The following ATRNL1 variants were observed in gnomAD, a reference collection of about 807,000 sequenced individuals.
ATRNL1 encodes the protein attractin-like protein 1.
ATRNL1 carries 95 observed loss-of-function variants against 182.7 expected under a neutral mutation model. The observed-to-expected ratio is 0.52, with a 90% confidence interval of 0.44 to 0.62. The LOEUF is 0.62. Ranked by LOEUF, ATRNL1 falls within the 20% of genes least tolerant of loss-of-function variation. ATRNL1 has a pLI of 0.00. For synonymous variants in ATRNL1, 576 were observed against 568.3 expected (o/e 1.01, Z -0.19); for missense variants, 1,471 against 1,679.5 (o/e 0.88, Z 2.17).
intron 26 of ATRNL1, among the ~76,000 whole-genome samples, chr10:115,658,197 G>A (rs185576838): frequency 0.01 from 1,440 of 142,656 alleles, 18 homozygotes; most frequent in African/African-American, 0.034. Context: ...CTGGTTTCAC[G>A]CCATTCTCCT....
chr10:115,281,228 C>G (rs540971317), intron 13 of ATRNL1, 127 bp from the exon 14 acceptor site: 1 of 718,526 alleles, frequency 1.4e-6, no homozygotes, highest in South Asian at 3.3e-5. Flanking sequence ...GAGTCTGATT[C>G]AGTTGAATTG....
At chr10:115,291,578 T>C (rs1852904244) in intron 15 of ATRNL1, among the ~76,000 whole-genome samples, 1 of 152,196 alleles carries the variant, frequency 6.6e-6, no homozygotes, top group Admixed American at 6.5e-5. Context: ...TGATGAGATG[T>C]TGAATTCTGT....
intron 21 of ATRNL1, among the ~76,000 whole-genome samples, chr10:115,458,670 A>G (rs1192342687): frequency 6.6e-6 from 1 of 152,146 alleles, no homozygotes; most frequent in African/African-American, 2.4e-5. Context: ...CTGGGGCATT[A>G]CAGCCTTTAC....
At chr10:115,867,079 A>C (rs1456665876) in intron 28 of ATRNL1, among the ~76,000 whole-genome samples, 13 of 152,222 alleles carry the variant, frequency 8.5e-5, no homozygotes, top group African/African-American at 3.1e-4. Flanking sequence ...AGTAAAGATG[A>C]ATGTAACTGC....
chr10:115,612,184 G>A (rs1012539832), intron 26 of ATRNL1, among the ~76,000 whole-genome samples: 6 of 151,924 alleles, frequency 3.9e-5, no homozygotes, highest in South Asian at 2.1e-4. Flanking sequence ...CCTGAGAGGC[G>A]GAGGTTGCAG....
chr10:115,506,500 T>C (rs1850118810), intron 24 of ATRNL1, among the ~76,000 whole-genome samples: 1 of 151,970 alleles, frequency 6.6e-6, no homozygotes, highest in Non-Finnish European at 1.5e-5. Context: ...AAGACCGTAC[T>C]CTACCAGCCT....
At chr10:115,604,560 G>A (rs1265491009) in intron 26 of ATRNL1, among the ~76,000 whole-genome samples, 8 of 152,028 alleles carry the variant, frequency 5.3e-5, no homozygotes, top group Admixed American at 2.0e-4. Flanking sequence ...CTCTTTTTCA[G>A]CATATATCCA....
At chr10:115,501,834 G>A (rs1849855880) in intron 24 of ATRNL1, among the ~76,000 whole-genome samples, 1 of 152,046 alleles carries the variant, frequency 6.6e-6, no homozygotes, top group Non-Finnish European at 1.5e-5. Flanking sequence ...TTCCTGTTCT[G>A]CTTGACATTT....
At chr10:115,331,602 C>T (rs1554935103) in intron 18 of ATRNL1, among the ~76,000 whole-genome samples, 1 of 151,950 alleles carries the variant, frequency 6.6e-6, no homozygotes, top group East Asian at 1.9e-4. Flanking sequence ...TTCATGAGGC[C>T]ATCTTTTCCA....
chr10:115,403,966 T>C (rs943296030), intron 20 of ATRNL1, among the ~76,000 whole-genome samples: 1 of 152,174 alleles, frequency 6.6e-6, no homozygotes, highest in African/African-American at 2.4e-5. Flanking sequence ...TCTGAAAATA[T>C]CAGTTCAGAA....
At chr10:115,303,729 C>T (rs1853597795) in intron 17 of ATRNL1, among the ~76,000 whole-genome samples, 1 of 152,042 alleles carries the variant, frequency 6.6e-6, no homozygotes, top group Admixed American at 6.5e-5. Context: ...ATACTTTAAC[C>T]TGCAGTAAAC....
At chr10:115,788,923 T>C (rs1159637458) in intron 27 of ATRNL1, among the ~76,000 whole-genome samples, 2 of 152,366 alleles carry the variant, frequency 1.3e-5, no homozygotes, top group South Asian at 2.1e-4. Context: ...CACTGTGATC[T>C]TCAAAGTTCT....
intron 28 of ATRNL1, among the ~76,000 whole-genome samples, chr10:115,921,506 CA>C (rs1953060776): frequency 7.6e-6 from 1 of 131,360 alleles, no homozygotes; most frequent in Admixed American, 8.5e-5. Context: ...AGTCCAGTTA[CA>C]ATAACTGTTA....
rs191150039 is a variant in ATRNL1, at chr10:115,551,611, G to A, written c.3795+2075G>A. Among the ~76,000 whole-genome samples the A allele has an allele frequency of 1.1e-4, 16 of 151,306 alleles. No individual in the cohort carries two copies. In the East Asian group the frequency reaches 2.1e-3, roughly 20 times the overall value. On this transcript the variant is annotated intron_variant, in intron 26 of 28. Coordinates refer to ENST00000355044, the MANE Select transcript of ATRNL1 (RefSeq NM_207303.4). The stretch of plus-strand genomic sequence containing the variant: ...TCCGAAAAAGAAAATGTATCTTGAG[G>A]GTTTATGTTATGCTATAGCATTACA...
At chr10:115,446,985 A>G (rs1847032315) in intron 21 of ATRNL1, among the ~76,000 whole-genome samples, 1 of 151,962 alleles carries the variant, frequency 6.6e-6, no homozygotes, top group African/African-American at 2.4e-5. Context: ...CTCAGTCTTT[A>G]AAATCAAAAG....
chr10:115,153,116 T>G (rs1439167042), intron 5 of ATRNL1, among the ~76,000 whole-genome samples: 1 of 152,208 alleles, frequency 6.6e-6, no homozygotes, highest in Non-Finnish European at 1.5e-5. Context: ...GGATTCGGTT[T>G]GCCAGGATTT....
At chr10:115,217,539 T>A (rs2144416838) in intron 9 of ATRNL1, among the ~76,000 whole-genome samples, 1 of 152,262 alleles carries the variant, frequency 6.6e-6, no homozygotes, top group Non-Finnish European at 1.5e-5. Context: ...AGAGCAGAAT[T>A]GGATATTATT....
intron 18 of ATRNL1, among the ~76,000 whole-genome samples, chr10:115,325,498 C>G (rs868945087): frequency 1.2e-4 from 18 of 152,150 alleles, no homozygotes; most frequent in African/African-American, 4.1e-4. Flanking sequence ...TAAGGTGTGA[C>G]AATTACCAGA....
At chr10:115,653,141 T>A (rs1402172850) in intron 26 of ATRNL1, among the ~76,000 whole-genome samples, 1 of 152,230 alleles carries the variant, frequency 6.6e-6, no homozygotes, top group Non-Finnish European at 1.5e-5. Context: ...ACATTAAATG[T>A]AAAGGCTTTC....
Sources: gnomAD v4.1 joint callset for allele counts (sites outside exome capture counted in the v4.1 genomes callset) on GRCh38, gnomAD v4.1.1 for gene constraint, MANE v1.5 for transcripts, NCBI Gene and HGNC (gene_info 2026-07-23, HGNC 2026-07-21) for gene names.